NOS1: variants seen among roughly 807,000 people sequenced by gnomAD.
NOS1 encodes the protein nitric oxide synthase 1.
Under a neutral mutation model 164.5 loss-of-function variants are expected in NOS1, and 51 were observed. That is an observed-to-expected ratio of 0.31 (90% CI 0.25 to 0.39). The LOEUF (loss-of-function observed/expected upper bound fraction) is 0.39. NOS1 is among the 10% of genes least tolerant of loss of function. The pLI is 1.00. For missense variants in NOS1, 1,362 were observed against 1,885.6 expected, an observed-to-expected ratio of 0.72 and a Z score of 5.14; for synonymous variants, 719 against 745.8, an observed-to-expected ratio of 0.96 and a Z score of 0.59.
chr12:117,208,888 G>C lies in NOS1; in HGVS notation c.*6421C>G, dbSNP rs1205951575. 18 of 621,902 alleles carry C rather than the reference G, an allele frequency of 2.9e-5. No homozygotes were observed. The highest frequency in any genetic ancestry group is 4.0e-5 in the African/African-American group (2 of 50,352). The allele number at this position is 621,902 out of a possible 1,614,324, so 38.5% of individuals were successfully genotyped here. ...CAGATGCCCGCCACCACGCCGGGCTGATTTTTGTATTTTTAGTAGAGACGA... is the reference window on the plus strand; with the variant it reads ...CAGATGCCCGCCACCACGCCGGGCTCATTTTTGTATTTTTAGTAGAGACGA... On this transcript the variant is annotated 3_prime_UTR_variant, in exon 29 of 29. Coordinates refer to ENST00000317775, the MANE Select transcript of NOS1 (RefSeq NM_000620.5).
intron 9 of NOS1, among the ~76,000 whole-genome samples, chr12:117,277,105 G>T (rs1298708119): frequency 6.6e-6 from 1 of 152,120 alleles, no homozygotes; most frequent in Non-Finnish European, 1.5e-5. Context: ...GCCACCAACA[G>T]TGTACAAGGG....
At chr12:117,329,595 G>A (rs1875426060) in intron 2 of NOS1, among the ~76,000 whole-genome samples, 2 of 152,006 alleles carry the variant, frequency 1.3e-5, no homozygotes, top group South Asian at 4.1e-4. Flanking sequence ...TGACTGCCTG[G>A]CCCAGCTGCT....
intron 1 of NOS1, among the ~76,000 whole-genome samples, chr12:117,359,015 G>C (rs1422466353): frequency 1.3e-5 from 2 of 152,272 alleles, no homozygotes; most frequent in Admixed American, 6.5e-5. Context: ...TGGCTAGGTA[G>C]TTTGGTTTGC....
At chr12:117,254,643 T>C (rs1258058946) in intron 16 of NOS1, among the ~76,000 whole-genome samples, 1 of 152,008 alleles carries the variant, frequency 6.6e-6, no homozygotes, top group African/African-American at 2.4e-5. Flanking sequence ...TAAATACAAG[T>C]CAATGTGGTT....
chr12:117,271,960 T>G (rs1427374527), intron 10 of NOS1, among the ~76,000 whole-genome samples: 2 of 152,172 alleles, frequency 1.3e-5, no homozygotes, highest in African/African-American at 4.8e-5. Context: ...CTCAAGCTCT[T>G]CTAACAAGAT....
At chr12:117,292,584 T>C (rs1214726702) in intron 3 of NOS1, among the ~76,000 whole-genome samples, 1 of 152,120 alleles carries the variant, frequency 6.6e-6, no homozygotes, top group Non-Finnish European at 1.5e-5. Flanking sequence ...AACCTTATTA[T>C]CTCCATTTTA....
At chr12:117,262,026 T>G (rs1380411328) in intron 13 of NOS1, among the ~76,000 whole-genome samples, 1 of 152,170 alleles carries the variant, frequency 6.6e-6, no homozygotes, top group East Asian at 1.9e-4. Flanking sequence ...GAAATCTCAG[T>G]GCAGACAAAT....
Position 117,277,822 on chromosome 12 carries a change from G to C in NOS1, c.1664+137C>G, listed in dbSNP as rs41350246. 106 of 1,068,784 alleles carry C rather than the reference G, an allele frequency of 9.9e-5. No individual in the cohort carries two copies. The African/African-American group carries it at 1.5e-3, about 15-fold the overall frequency. The allele number at this position is 1,068,784 out of a possible 1,614,324, so 66.2% of individuals were successfully genotyped here. A position where few individuals can be genotyped will look rare whatever the true frequency, so the allele number is the denominator to read the frequency against. On this transcript the variant is annotated intron_variant, in intron 9 of 28. Transcript: ENST00000317775. ...CTCACTCTGCCCAAGCCCGCAGTGA[G>C]GACAGGAACCAAGCCCCCCTTTCCC...
intron 9 of NOS1, among the ~76,000 whole-genome samples, chr12:117,274,238 A>G (rs181381059): frequency 4.6e-4 from 70 of 152,326 alleles, no homozygotes; most frequent in African/African-American, 1.3e-3. Flanking sequence ...AACATCAGGG[A>G]TATGCAAACG....
chr12:117,354,274 T>C (rs1434463694), intron 1 of NOS1, among the ~76,000 whole-genome samples: 1 of 149,508 alleles, frequency 6.7e-6, no homozygotes, highest in Non-Finnish European at 1.5e-5. Flanking sequence ...TCAATAAAAA[T>C]ATCAAGCCAA....
intron 3 of NOS1, among the ~76,000 whole-genome samples, chr12:117,308,459 G>A (rs1325679003): frequency 6.6e-6 from 1 of 152,064 alleles, no homozygotes; most frequent in East Asian, 1.9e-4. Context: ...CAGTGAGTAA[G>A]CTATGATGGT....
At position 117,210,489 on chromosome 12, in the gene NOS1, G is replaced by A; in HGVS notation, c.*4820C>T. 2 of 985,480 alleles carry A rather than the reference G, an allele frequency of 2.0e-6. No homozygotes were observed. Among genetic ancestry groups the A allele is most frequent in the Non-Finnish European group, 2.4e-6 (2 of 829,996 alleles). The allele number at this position is 985,480 out of a possible 1,614,324, so 61.0% of individuals were successfully genotyped here. On this transcript the variant is annotated 3_prime_UTR_variant, in exon 29 of 29. Transcript: ENST00000317775. The stretch of plus-strand genomic sequence containing the variant: ...TGCTGGGTATGTGGGGCAGCGGGTA[G>A]GGAAATATACAAGGAAACATGGCTG...
chr12:117,220,628 G>A (rs1956687745), intron 26 of NOS1, among the ~76,000 whole-genome samples: 1 of 152,130 alleles, frequency 6.6e-6, no homozygotes, highest in South Asian at 2.1e-4. Context: ...GTCACCGGGT[G>A]TTAACACCTG....
In NOS1 at chr12:117,213,210, G is replaced by C; in HGVS notation, c.*2099C>G. On this transcript the variant is annotated 3_prime_UTR_variant, in exon 29 of 29. Coordinates refer to ENST00000317775, the MANE Select transcript of NOS1 (RefSeq NM_000620.5). ...ATCAATTTGTCTTTAATGGGGATTG[G>C]ACACAACAGTTTCCTTCCCTGGGGA... 1.0e-6 allele frequency: 1 copy of C among 985,468 alleles called. No individual in the cohort carries two copies. Among genetic ancestry groups the C allele is most frequent in the Non-Finnish European group, 1.2e-6 (1 of 829,952 alleles). 61.0% of individuals were successfully genotyped at this position (985,468 alleles called of 1,614,324 possible).
At chr12:117,220,313 C>T (rs530277316) in intron 26 of NOS1, 44 bp from the exon 27 acceptor site, 22 of 1,540,858 alleles carry the variant, frequency 1.4e-5, no homozygotes, top group Admixed American at 1.3e-4. Context: ...GGCTGTGCAA[C>T]GTGCCTGCCA....
chr12:117,268,442 G>A (rs1334105785), intron 10 of NOS1, among the ~76,000 whole-genome samples: 3 of 152,050 alleles, frequency 2.0e-5, no homozygotes, highest in Non-Finnish European at 4.4e-5. Context: ...ATGTTGGCCA[G>A]ACTGGTCTCA....
At chr12:117,337,357 C>T (rs1028484386) in intron 1 of NOS1, among the ~76,000 whole-genome samples, 10 of 152,058 alleles carry the variant, frequency 6.6e-5, no homozygotes, top group Non-Finnish European at 1.0e-4. Context: ...ACCTTGTGAT[C>T]CGCCTGCCTT....
At chr12:117,260,900 G>A (rs764665049) in intron 13 of NOS1, among the ~76,000 whole-genome samples, 77 of 151,330 alleles carry the variant, frequency 5.1e-4, no homozygotes, top group Non-Finnish European at 1.1e-3. Context: ...GGGTGTGGTA[G>A]CTCATGCTTA....
At chr12:117,236,981 C>T (rs1221461292) in intron 20 of NOS1, among the ~76,000 whole-genome samples, 2 of 152,104 alleles carry the variant, frequency 1.3e-5, no homozygotes, top group African/African-American at 2.4e-5. Context: ...CTCTGCATGC[C>T]GCTTGCTGAG....
Sources: gnomAD v4.1 joint callset for allele counts (sites outside exome capture counted in the v4.1 genomes callset) on GRCh38, gnomAD v4.1.1 for gene constraint, MANE v1.5 for transcripts, NCBI Gene and HGNC (gene_info 2026-07-23, HGNC 2026-07-21) for gene names.